MBP: variants seen among roughly 807,000 people sequenced by gnomAD.
MBP encodes myelin basic protein.
In MBP, 16 loss-of-function variants were observed where a neutral mutation model predicts 35.8. The observed-to-expected ratio is 0.45, with a 90% CI of 0.30 to 0.68. MBP has a LOEUF of 0.68. Ranked by LOEUF, MBP falls within the 30% of genes least tolerant of loss-of-function variation. MBP has a pLI of 0.08. For missense variants in MBP, 380 were observed against 404.7 expected, an observed-to-expected ratio of 0.94 and a Z score of 0.52; for synonymous variants, 143 against 159.6, an observed-to-expected ratio of 0.90 and a Z score of 0.78.
chr18:77,067,800 A>G (rs372272046), intron 2 of MBP: 1 of 509,368 alleles, frequency 2.0e-6, no homozygotes. Flanking sequence ...CATAATATGT[A>G]CATAGTCTCA....
At chr18:77,031,604 G>A (rs1008736722) in intron 3 of MBP, among the ~76,000 whole-genome samples, 9 of 152,270 alleles carry the variant, frequency 5.9e-5, no homozygotes, top group Non-Finnish European at 1.2e-4. Flanking sequence ...GCTCCTTGAT[G>A]TCTTTAACAC....
intron 2 of MBP, among the ~76,000 whole-genome samples, chr18:77,103,080 T>C (rs1322093354): frequency 1.3e-5 from 2 of 152,222 alleles, no homozygotes; most frequent in Non-Finnish European, 2.9e-5. Flanking sequence ...AAATACTGTT[T>C]ATCACTTTAA....
At chr18:76,996,508 G>A (rs1331938060) in intron 4 of MBP, among the ~76,000 whole-genome samples, 4 of 152,182 alleles carry the variant, frequency 2.6e-5, no homozygotes, top group Admixed American at 6.5e-5. Flanking sequence ...TAAACACACT[G>A]TGCTGTATCC....
At chr18:77,024,106 T>G (rs1418142122) in intron 3 of MBP, among the ~76,000 whole-genome samples, 1 of 152,266 alleles carries the variant, frequency 6.6e-6, no homozygotes, top group African/African-American at 2.4e-5. Flanking sequence ...TTTTATATAC[T>G]TATTTTTAAG....
chr18:77,088,248 G>T (rs533007801), intron 2 of MBP, among the ~76,000 whole-genome samples: 5 of 152,120 alleles, frequency 3.3e-5, no homozygotes, highest in Non-Finnish European at 7.4e-5. Context: ...TGAGGGCCCC[G>T]GGCATCCCTC....
chr18:77,027,195 A>C (rs1467638468), intron 3 of MBP, among the ~76,000 whole-genome samples: 1 of 151,926 alleles, frequency 6.6e-6, no homozygotes, highest in Non-Finnish European at 1.5e-5. Context: ...TAAGACATTA[A>C]AAAAAAAGCA....
intron 3 of MBP, among the ~76,000 whole-genome samples, chr18:77,043,143 A>C (rs79646843): frequency 0.034 from 5,209 of 152,324 alleles, 107 homozygotes; most frequent in South Asian, 0.064. Flanking sequence ...CAGAATGAAG[A>C]AACTGAAATA....
intron 2 of MBP, chr18:77,066,628 C>T (rs369944195): frequency 2.7e-5 from 19 of 711,002 alleles, no homozygotes; most frequent in African/African-American, 2.6e-4. Context: ...TAGTTTTATA[C>T]AAAAAAATTG....
At chr18:77,004,432 G>A (rs1182503285) in intron 4 of MBP, 1 of 152,130 alleles carries the variant, frequency 6.6e-6, no homozygotes, top group East Asian at 1.9e-4. Flanking sequence ...CTGTCTGAAT[G>A]ACAGATGCAG....
At chr18:77,003,043 T>C (rs1970722650) in intron 4 of MBP, 1 of 152,206 alleles carries the variant, frequency 6.6e-6, no homozygotes, top group Non-Finnish European at 1.5e-5. Flanking sequence ...ACCAAAATAA[T>C]TGGGAACTAA....
chr18:77,103,332 T>A (rs779610793), intron 2 of MBP, among the ~76,000 whole-genome samples: 2 of 152,210 alleles, frequency 1.3e-5, no homozygotes, highest in Non-Finnish European at 2.9e-5. Context: ...TTCTAAAGCA[T>A]CTGGGTGTAA....
In MBP at chr18:77,022,058, C is replaced by T. The variant is rs530793162; in HGVS notation, c.140-4790G>A. 3.3e-5 allele frequency among the ~76,000 whole-genome samples: 5 copies of T among 152,208 alleles called. No individual in the cohort carries two copies. In the East Asian group the frequency reaches 7.7e-4, roughly 23 times the overall value. On this transcript the variant is annotated intron_variant, in intron 3 of 8. Coordinates refer to ENST00000355994, the MANE Select transcript of MBP (RefSeq NM_001025101.2). Reference sequence around the variant, plus strand: ...TGGATGTTTGCACACTTACAACTCTCGCTCATTGGAAAAAGGATTCCAGTG... The same window carrying T: ...TGGATGTTTGCACACTTACAACTCTTGCTCATTGGAAAAAGGATTCCAGTG...
At chr18:77,066,917 G>A (rs1568322281) in intron 2 of MBP, among the ~76,000 whole-genome samples, 1 of 152,228 alleles carries the variant, frequency 6.6e-6, no homozygotes, top group Non-Finnish European at 1.5e-5. Context: ...GGGTGGGCCA[G>A]GCCCCCTGGC....
At chr18:76,992,302 C>T (rs1969976218) in intron 4 of MBP, among the ~76,000 whole-genome samples, 1 of 152,172 alleles carries the variant, frequency 6.6e-6, no homozygotes, top group South Asian at 2.1e-4. Flanking sequence ...AACCTCGATC[C>T]CTCGAACATG....
intron 1 of MBP, 76 bp downstream of exon 1, chr18:77,132,479 GCTCCGGTCCGGGGTCCCGCCCAGGT>G (rs1361957729): frequency 6.6e-6 from 1 of 152,230 alleles, no homozygotes; most frequent in Non-Finnish European, 1.5e-5. Flanking sequence ...CTCCCGCGGG[GCTCCGGTCCGGGGTCCCGCCCAGGT>G]CTCCGCGGTC....
At chr18:77,057,936 C>T (rs1973804504) in intron 3 of MBP, among the ~76,000 whole-genome samples, 1 of 26,534 alleles carries the variant, frequency 3.8e-5, no homozygotes, top group Non-Finnish European at 6.2e-5. Context: ...ACGCCATTCT[C>T]CTGCCTCAGC....
chr18:77,088,435 G>A (rs1326293343), intron 2 of MBP, among the ~76,000 whole-genome samples: 2 of 152,156 alleles, frequency 1.3e-5, no homozygotes, highest in African/African-American at 4.8e-5. Context: ...TATGACTGTT[G>A]GGGCCACCAA....
chr18:77,081,769 C>CAT lies in MBP; in HGVS notation c.52-15385_52-15384insAT, dbSNP rs1568329806. ...AGCAGCATATATATATATATATATACACACACACACACACACACACACACG... is the reference window on the plus strand; with the variant it reads ...AGCAGCATATATATATATATATATACATACACACACACACACACACACACACG... On this transcript the variant is annotated intron_variant, in intron 2 of 8. Transcript: ENST00000355994. Among the ~76,000 whole-genome samples, 4 of 80,928 alleles carry CAT rather than the reference C, an allele frequency of 4.9e-5. No homozygotes were observed. In the East Asian group the frequency reaches 1.7e-3, roughly 34 times the overall value. The allele number at this position is 80,928 out of a possible 152,430, so 53.1% of individuals were successfully genotyped here.
At chr18:76,993,561 A>AT (rs1389764200) in intron 4 of MBP, among the ~76,000 whole-genome samples, 1 of 151,906 alleles carries the variant, frequency 6.6e-6, no homozygotes, top group Non-Finnish European at 1.5e-5. Context: ...AAAAAAAAAA[A>AT]AAAAAAACAA....
Sources: allele counts gnomAD v4.1 joint callset (sites outside exome capture counted in the v4.1 genomes callset), GRCh38; gene constraint gnomAD v4.1.1; transcripts MANE v1.5; gene names NCBI Gene and HGNC (gene_info 2026-07-23, HGNC 2026-07-21).